RNF212: variants seen among roughly 807,000 people sequenced by gnomAD.
RNF212 encodes probable E3 SUMO-protein ligase RNF212.
A neutral mutation model predicts 34.7 loss-of-function variants in RNF212; 33 were observed. The ratio of observed to expected loss-of-function variants is 0.95; its 90% CI spans 0.72 to 1.27. The LOEUF (loss-of-function observed/expected upper bound fraction) is 1.27, where lower values mean the gene tolerates loss of function less well. Ranked by LOEUF, RNF212 falls within the 50% of genes most tolerant of loss-of-function variation. The pLI, the probability that RNF212 is intolerant of heterozygous loss-of-function variation, is 0.00. For synonymous variants in RNF212, 140 were observed against 136.1 expected, an observed-to-expected ratio of 1.03 and a Z score of -0.20; for missense variants, 377 against 362.2, an observed-to-expected ratio of 1.04 and a Z score of -0.33.
At chr4:1,099,862 G>T (rs1409514834) in intron 2 of RNF212, 2 of 456,226 alleles carry the variant, frequency 4.4e-6, no homozygotes, top group Non-Finnish European at 8.8e-6. Context: ...GGATCCACGG[G>T]GCTCTCCTCA....
In RNF212 at chr4:1,064,172, A is replaced by C. The variant is rs148376946; in HGVS notation, n.148-5779T>G. Among the ~76,000 whole-genome samples, 86 of 152,308 alleles carry C rather than the reference A, an allele frequency of 5.6e-4. 1 individual carries two copies. The highest frequency in any genetic ancestry group is 4.8e-3 in the South Asian group (23 of 4,824). On this transcript the variant is annotated intron_variant and non_coding_transcript_variant, in intron 3 of 4. Coordinates refer to the RNF212 transcript ENST00000503206. ...AAGTTTAATTCAGGAAATAATGACA[A>C]CACCATATTGTTAGATTTATAACAC...
chr4:1,112,067 G>A lies in RNF212; in HGVS notation c.109+1289C>T, dbSNP rs370278943. ...GTGAAAAATTAAAAAAATCAGGGGT[G>A]CGTGGCTGCACATGCCTGTAGCCCC... On this transcript the variant is annotated intron_variant, in intron 1 of 9. Transcript: ENST00000433731. 4.5e-4 allele frequency among the ~76,000 whole-genome samples: 68 copies of A among 152,326 alleles called. 1 individual carries two copies. The South Asian group carries it at 0.011, about 25-fold the overall frequency.
At chr4:1,109,838 C>T (rs1187506034) in intron 1 of RNF212, among the ~76,000 whole-genome samples, 2 of 152,194 alleles carry the variant, frequency 1.3e-5, no homozygotes, top group Admixed American at 1.3e-4. Flanking sequence ...TGTATCCATA[C>T]TCGCCTCAGT....
intron 8 of RNF212, among the ~76,000 whole-genome samples, chr4:1,074,436 G>A (rs1035903656): frequency 2.6e-5 from 4 of 152,112 alleles, no homozygotes; most frequent in African/African-American, 9.7e-5. Flanking sequence ...CACTTTCCTG[G>A]CTTCTGCCCC....
intron 4 of RNF212, among the ~76,000 whole-genome samples, chr4:1,090,155 G>A (rs1721959576): frequency 6.7e-6 from 1 of 150,344 alleles, no homozygotes; most frequent in African/African-American, 2.5e-5. Flanking sequence ...TAAGGTGACA[G>A]GATGGGGTGA....
At chr4:1,094,177 G>A (rs1722676632) in intron 3 of RNF212, among the ~76,000 whole-genome samples, 2 of 152,096 alleles carry the variant, frequency 1.3e-5, no homozygotes, top group Non-Finnish European at 1.5e-5. Flanking sequence ...CCCCCACTAG[G>A]CCTCTTTCCC....
At chr4:1,073,219 T>G in intron 9 of RNF212, 26 bp from the exon 10 acceptor site, 2 of 1,608,124 alleles carry the variant, frequency 1.2e-6, no homozygotes, top group Non-Finnish European at 1.7e-6. Flanking sequence ...GGAGACAGCG[T>G]GTGGGGAGAT....
intron 3 of RNF212, among the ~76,000 whole-genome samples, chr4:1,091,046 G>A (rs533020238): frequency 3.7e-4 from 57 of 152,356 alleles, no homozygotes; most frequent in Non-Finnish European, 7.3e-4. Context: ...GGCATGATAG[G>A]AAAGTCTCCC....
At chr4:1,066,725 A>G (rs1375144873), downstream of RNF212, among the ~76,000 whole-genome samples, 2 of 152,114 alleles carry the variant, frequency 1.3e-5, no homozygotes, top group Non-Finnish European at 2.9e-5. Flanking sequence ...TGATTTGCAA[A>G]TATTTTCTCT....
downstream of RNF212, among the ~76,000 whole-genome samples, chr4:1,067,559 C>T (rs982609437): frequency 5.3e-5 from 8 of 151,848 alleles, no homozygotes; most frequent in East Asian, 1.9e-4. Flanking sequence ...AAAATCCCAC[C>T]GTAAAAAATA....
At chr4:1,090,101 A>G (rs1721949847) in intron 4 of RNF212, among the ~76,000 whole-genome samples, 1 of 147,966 alleles carries the variant, frequency 6.8e-6, no homozygotes, top group Non-Finnish European at 1.5e-5. Context: ...GGTAAGGGTG[A>G]CAGGATGGGG....
At chr4:1,111,637 T>C (rs1435882003) in intron 1 of RNF212, among the ~76,000 whole-genome samples, 1 of 152,244 alleles carries the variant, frequency 6.6e-6, no homozygotes, top group Non-Finnish European at 1.5e-5. Flanking sequence ...CTGCAGTCTC[T>C]CCCACAGTTT....
intron 3 of RNF212, 116 bp from the exon 4 acceptor site, chr4:1,090,954 T>C: frequency 1.5e-6 from 1 of 672,014 alleles, no homozygotes; most frequent in South Asian, 1.7e-5. Flanking sequence ...GTGCTTGTCT[T>C]ACGTGTGTCC....
Position 1,113,312 on chromosome 4 carries a change from G to A in RNF212, c.109+44C>T, listed in dbSNP as rs113708827. 9.1e-5 allele frequency: 74 copies of A among 811,100 alleles called. 1 individual carries two copies. The African/African-American group carries it at 9.3e-4, about 10-fold the overall frequency. The allele number at this position is 811,100 out of a possible 1,614,324, so 50.2% of individuals were successfully genotyped here. A position where few individuals can be genotyped will look rare whatever the true frequency, so the allele number is the denominator to read the frequency against. On this transcript the variant is annotated intron_variant, in intron 1 of 9. Transcript: ENST00000433731. ...TCCCCCGGAGTTCCCTGACCCCCTT[G>A]CCGCTCCCCTCCCCTCTCCAGCCTG...
downstream of RNF212, among the ~76,000 whole-genome samples, chr4:1,070,111 C>T (rs1577631263): frequency 1.3e-5 from 2 of 148,748 alleles, no homozygotes; most frequent in Non-Finnish European, 3.0e-5. Flanking sequence ...GCTGTGTCAG[C>T]GTGGACGCCT....
chr4:1,104,784 T>C (rs1010978379), intron 2 of RNF212, among the ~76,000 whole-genome samples: 2 of 152,116 alleles, frequency 1.3e-5, no homozygotes, highest in African/African-American at 4.8e-5. Flanking sequence ...CTGCAATCTA[T>C]GAGCTAGAAA....
At chr4:1,087,559 C>G (rs933729322) in intron 4 of RNF212, among the ~76,000 whole-genome samples, 2 of 134,850 alleles carry the variant, frequency 1.5e-5, no homozygotes, top group African/African-American at 5.8e-5. Context: ...GCTGACAGGA[C>G]AGGGTGGGTG....
chr4:1,077,045 T>C (rs1719420908), intron 8 of RNF212, among the ~76,000 whole-genome samples: 1 of 152,156 alleles, frequency 6.6e-6, no homozygotes, highest in Non-Finnish European at 1.5e-5. Context: ...CTGACCAATA[T>C]GGTGAAACCA....
rs926844640 is a variant in RNF212, at chr4:1,096,816, G to T, written c.195C>A (p.Phe65Leu). Residue 65 changes from phenylalanine (F) to leucine (L), a missense_variant, in exon 3 of 10, where the codon TTC (phenylalanine) becomes TTA (leucine). Transcript: ENST00000433731. ...SKHTDADIQA[F>L]FMSIDSLCKK... ...TACACAGACTGTCTATGCTCATGAA[G>T]AATGCCTGGATATCTGCGTCGGTCT... is the stretch of plus-strand genomic sequence containing the variant. 1 of 1,613,098 alleles carries T rather than the reference G, an allele frequency of 6.2e-7. No individual in the cohort carries two copies. The highest frequency in any genetic ancestry group is 8.5e-7 in the Non-Finnish European group (1 of 1,178,994).
Sources: gnomAD v4.1 joint callset for allele counts (sites outside exome capture counted in the v4.1 genomes callset) on GRCh38, gnomAD v4.1.1 for gene constraint, MANE v1.5 for transcripts, NCBI Gene and HGNC (gene_info 2026-07-23, HGNC 2026-07-21) for gene names.